The following TMEM163 variants were observed in gnomAD, a reference collection of about 807,000 sequenced individuals.
TMEM163 encodes the protein transmembrane protein 163.
Under a neutral mutation model 29.3 loss-of-function variants are expected in TMEM163, and 17 were observed. That is an observed-to-expected ratio of 0.58 (90% confidence interval 0.40 to 0.87). TMEM163 has a LOEUF of 0.87. Among genes scored for constraint, TMEM163 ranks in the 40% least tolerant of loss-of-function variants. The pLI is 0.00. For synonymous variants in TMEM163, 157 were observed against 160.6 expected (o/e 0.98, Z 0.17); for missense variants, 303 against 381.5 (o/e 0.79, Z 1.71).
intron 2 of TMEM163, among the ~76,000 whole-genome samples, chr2:134,661,993 G>A (rs1381057410): frequency 5.5e-5 from 8 of 144,194 alleles, no homozygotes; most frequent in African/African-American, 1.0e-4. Flanking sequence ...GTGCAGTGGC[G>A]CAATCTAGGC....
At chr2:134,616,614 T>A (rs1682614154) in intron 2 of TMEM163, among the ~76,000 whole-genome samples, 1 of 152,202 alleles carries the variant, frequency 6.6e-6, no homozygotes, top group Non-Finnish European at 1.5e-5. Context: ...AAGCTTACAC[T>A]TTTTATTTCT....
intron 2 of TMEM163, among the ~76,000 whole-genome samples, chr2:134,677,094 G>A (rs1291367702): frequency 6.6e-6 from 1 of 152,108 alleles, no homozygotes; most frequent in African/African-American, 2.4e-5. Flanking sequence ...AGTGTAACTT[G>A]TGATGCTCCA....
Position 134,543,932 on chromosome 2 carries a change from AACC to A in TMEM163, c.458+6635_458+6637del, listed in dbSNP as rs534434689. Among the ~76,000 whole-genome samples, 87 of 152,214 alleles carry A rather than the reference AACC, an allele frequency of 5.7e-4. 1 individual carries two copies. In the East Asian group the frequency reaches 0.017, roughly 29 times the overall value. ...ATTGGGAGGTACATTGGAACAGGAG[AACC>A]ACCTCTCGGGCTGCATTGTGACGCT... is the stretch of plus-strand genomic sequence containing the variant. On this transcript the variant is annotated intron_variant, in intron 4 of 7. Coordinates refer to ENST00000281924, the MANE Select transcript of TMEM163 (RefSeq NM_030923.5).
intron 5 of TMEM163, among the ~76,000 whole-genome samples, chr2:134,489,485 G>A (rs1164374243): frequency 6.6e-6 from 1 of 151,726 alleles, no homozygotes. Flanking sequence ...GCTGAGGCAG[G>A]AGAATCATTT....
At chr2:134,499,501 T>A (rs1276382752) in intron 5 of TMEM163, among the ~76,000 whole-genome samples, 4 of 152,154 alleles carry the variant, frequency 2.6e-5, no homozygotes, top group Non-Finnish European at 5.9e-5. Context: ...CCTGTTCCAG[T>A]TCCCCAGAGA....
chr2:134,528,757 C>T (rs1308584309), intron 4 of TMEM163, among the ~76,000 whole-genome samples: 1 of 151,888 alleles, frequency 6.6e-6, no homozygotes, highest in Non-Finnish European at 1.5e-5. Context: ...TCTCACACTT[C>T]TGATTAGAAA....
At chr2:134,588,847 G>A (rs77185525) in intron 2 of TMEM163, among the ~76,000 whole-genome samples, 18 of 152,036 alleles carry the variant, frequency 1.2e-4, no homozygotes, top group East Asian at 3.9e-4. Context: ...CAAAACGTTG[G>A]GGGGGGAAGA....
chr2:134,625,244 AAAAAG>A (rs772340986), intron 2 of TMEM163, among the ~76,000 whole-genome samples: 1 of 152,188 alleles, frequency 6.6e-6, no homozygotes, highest in African/African-American at 2.4e-5. Context: ...GCCTCTCAAA[AAAAAG>A]AAATTTCTCC....
intron 5 of TMEM163, among the ~76,000 whole-genome samples, chr2:134,483,548 C>A (rs887065825): frequency 2.0e-5 from 3 of 152,180 alleles, no homozygotes; most frequent in Non-Finnish European, 4.4e-5. Flanking sequence ...GGCTCTTTTC[C>A]AAATGCTTAA....
At chr2:134,598,476 A>G (rs1347526745) in intron 2 of TMEM163, among the ~76,000 whole-genome samples, 1 of 152,214 alleles carries the variant, frequency 6.6e-6, no homozygotes, top group Non-Finnish European at 1.5e-5. Context: ...ACCAATGAAA[A>G]AATAGAGGCC....
chr2:134,651,505 T>C (rs1201967052), intron 2 of TMEM163, among the ~76,000 whole-genome samples: 1 of 114,952 alleles, frequency 8.7e-6, no homozygotes, highest in East Asian at 2.3e-4. Flanking sequence ...GCCTGTTCAC[T>C]CTGATGGTAG....
rs1262638815 is a variant in TMEM163 at position 134,674,515 on chromosome 2, A to G, written c.322+38685T>C. Among the ~76,000 whole-genome samples, 10 of 30,872 alleles carry G rather than the reference A, an allele frequency of 3.2e-4. 1 individual carries two copies. Among genetic ancestry groups the G allele is most frequent in the African/African-American group, 1.5e-3 (6 of 4,006 alleles). The allele number at this position is 30,872 out of a possible 152,430, so 20.3% of individuals were successfully genotyped here. A position where few individuals can be genotyped will look rare whatever the true frequency, so the allele number is the denominator to read the frequency against. On this transcript the variant is annotated intron_variant, in intron 2 of 7. Coordinates refer to ENST00000281924, the MANE Select transcript of TMEM163 (RefSeq NM_030923.5). ...CGCGCGCGCGCGCGCGCGCGCTACC[A>G]TATCTGGCTAATTTTTTGTATTTTA...
At chr2:134,461,290 T>C (rs1031821241) in intron 6 of TMEM163, among the ~76,000 whole-genome samples, 1 of 152,192 alleles carries the variant, frequency 6.6e-6, no homozygotes, top group Non-Finnish European at 1.5e-5. Flanking sequence ...AAAACATTCA[T>C]TGTATGCAGA....
intron 5 of TMEM163, among the ~76,000 whole-genome samples, chr2:134,495,241 T>C (rs749559054): frequency 2.2e-4 from 33 of 152,230 alleles, no homozygotes; most frequent in Non-Finnish European, 4.3e-4. Flanking sequence ...AGAAGGCATG[T>C]GTACAGAAGC....
At chr2:134,675,569 TA>T (rs1684097693) in intron 2 of TMEM163, among the ~76,000 whole-genome samples, 1 of 152,150 alleles carries the variant, frequency 6.6e-6, no homozygotes, top group South Asian at 2.1e-4. Context: ...AGGATATGAA[TA>T]ATTCAGATAT....
intron 5 of TMEM163, among the ~76,000 whole-genome samples, chr2:134,494,722 CCATT>C (rs1207240492): frequency 2.0e-5 from 3 of 152,198 alleles, no homozygotes; most frequent in African/African-American, 7.2e-5. Flanking sequence ...AAAGAAATTA[CCATT>C]ATTATTTCCA....
chr2:134,620,550 C>G (rs923325069), intron 2 of TMEM163, among the ~76,000 whole-genome samples: 7 of 152,116 alleles, frequency 4.6e-5, no homozygotes, highest in African/African-American at 1.7e-4. Context: ...AGGCACCACA[C>G]CCGGCTACAC....
rs147172015 is a variant in TMEM163 at position 134,712,956 on chromosome 2, G to C, written c.322+244C>G. Among the ~76,000 whole-genome samples the C allele has an allele frequency of 9.2e-5, 14 of 151,880 alleles. No homozygotes were observed. In the South Asian group the frequency reaches 2.9e-3, roughly 32 times the overall value. ...CAGCTAGCAGCCAGCATCTACTTCC[G>C]CAAGCCCGCATACTGATGAGAGCCA... On this transcript the variant is annotated intron_variant, in intron 2 of 7. Coordinates refer to ENST00000281924, the MANE Select transcript of TMEM163 (RefSeq NM_030923.5).
intron 5 of TMEM163, among the ~76,000 whole-genome samples, chr2:134,485,790 C>T (rs115850328): frequency 1.1e-3 from 168 of 152,292 alleles, no homozygotes; most frequent in African/African-American, 3.9e-3. Flanking sequence ...GAATCAAACA[C>T]TTCTTCAGAA....
Sources: allele counts gnomAD v4.1 joint callset (sites outside exome capture counted in the v4.1 genomes callset), GRCh38; gene constraint gnomAD v4.1.1; transcripts MANE v1.5; gene names NCBI Gene and HGNC (gene_info 2026-07-23, HGNC 2026-07-21).